Variants in KIAA1549L observed in about 807,000 individuals in gnomAD.
KIAA1549L encodes the protein KIAA1549 like.
In KIAA1549L, 88 loss-of-function variants were observed where a neutral mutation model predicts 160.7. The observed-to-expected ratio is 0.55, with a 90% CI of 0.46 to 0.65. KIAA1549L has a LOEUF of 0.65. Ranked by LOEUF, KIAA1549L falls within the 30% of genes least tolerant of loss-of-function variation. The pLI, the probability that KIAA1549L is intolerant of heterozygous loss-of-function variation, is 0.00. For missense variants in KIAA1549L, 2,258 were observed against 2,437.5 expected (o/e 0.93, Z 1.55); for synonymous variants, 950 against 976.7 (o/e 0.97, Z 0.51).
intron 10 of KIAA1549L, among the ~76,000 whole-genome samples, chr11:33,579,955 T>A (rs1855579465): frequency 6.6e-6 from 1 of 152,172 alleles, no homozygotes; most frequent in Non-Finnish European, 1.5e-5. Flanking sequence ...GGACTTTGAA[T>A]AGAGAGTCAC....
At chr11:33,476,826 C>A (rs1378320448) in intron 1 of KIAA1549L, among the ~76,000 whole-genome samples, 1 of 152,232 alleles carries the variant, frequency 6.6e-6, no homozygotes, top group Non-Finnish European at 1.5e-5. Flanking sequence ...CCTGTCTTAT[C>A]TTTGCTTTTT....
rs779186977 is a variant in KIAA1549L at position 33,543,677 on chromosome 11, G to T, written c.2114G>T (p.Gly705Val). ...VFWSSLSAETGSLSTESIISG... is the reference protein window; with the variant it reads ...VFWSSLSAETVSLSTESIISG... Reference sequence around the variant, plus strand: ...TGGAGTTCTCTTTCAGCAGAAACTGGATCTCTTTCCACAGAATCAATAATA... The same window carrying T: ...TGGAGTTCTCTTTCAGCAGAAACTGTATCTCTTTCCACAGAATCAATAATA... Residue 705 changes from glycine to valine, a missense_variant, in exon 2 of 21, where the codon GGA becomes GTA. Physicochemically the swap from Gly to Val is moderately radical, Grantham distance 109. This residue lies in a region of KIAA1549L where 287 missense variants were observed against 292.3 expected (regional missense o/e 0.98). Transcript: ENST00000658780. 19 of 1,613,860 alleles carry T rather than the reference G, an allele frequency of 1.2e-5. No homozygotes were observed. The highest frequency in any genetic ancestry group is 1.5e-5 in the Non-Finnish European group (18 of 1,179,900).
intron 16 of KIAA1549L, among the ~76,000 whole-genome samples, chr11:33,645,155 C>T (rs1851681674): frequency 6.6e-6 from 1 of 152,230 alleles, no homozygotes. Flanking sequence ...CCCAGAGCTT[C>T]TGATTGCGTA....
chr11:33,646,159 C>G, intron 17 of KIAA1549L, 123 bp downstream of exon 17: 1 of 741,124 alleles, frequency 1.3e-6, no homozygotes, highest in Non-Finnish European at 2.2e-6. Context: ...TGAACTATGC[C>G]AGGCCCTCAT....
rs745559064 is a variant in KIAA1549L at position 33,551,219 on chromosome 11, A to G, written c.3681A>G (p.Pro1227=). The G allele has an allele frequency of 6.8e-6, 11 of 1,613,564 alleles. No homozygotes were observed. Among genetic ancestry groups the G allele is most frequent in the Non-Finnish European group, 1.7e-6 (2 of 1,179,854 alleles). Residue 1227 remains proline, a synonymous_variant, in exon 5 of 21, where the codon CCA becomes CCG. Transcript: ENST00000658780. ...HLQSVAVLAS[P]WNPQPAGYFQ... ...AGTCTGTGGCAGTACTTGCCTCCCC[A>G]TGGAATCCCCAGCCTGCAGGCTACT...
At chr11:33,445,394 C>A (rs1851590243) in intron 1 of KIAA1549L, among the ~76,000 whole-genome samples, 1 of 152,118 alleles carries the variant, frequency 6.6e-6, no homozygotes, top group African/African-American at 2.4e-5. Context: ...TGACTTGAAT[C>A]CAGAAGAAAC....
chr11:33,435,840 A>G (rs996292772), intron 1 of KIAA1549L, among the ~76,000 whole-genome samples: 15 of 64,160 alleles, frequency 2.3e-4, no homozygotes, highest in African/African-American at 6.3e-4. Context: ...ATGTATATGT[A>G]TATGTGTGTG....
chr11:33,452,205 G>C (rs907051940), intron 1 of KIAA1549L, among the ~76,000 whole-genome samples: 1 of 152,200 alleles, frequency 6.6e-6, no homozygotes, highest in Non-Finnish European at 1.5e-5. Flanking sequence ...ATATGCAGGA[G>C]GTAGGTGAAA....
chr11:33,645,814 G>T lies in KIAA1549L; in HGVS notation c.5538G>T (p.Glu1846Asp), dbSNP rs1412843388. 1 of 1,613,980 alleles carries T rather than the reference G, an allele frequency of 6.2e-7. No homozygotes were observed. Among genetic ancestry groups the T allele is most frequent in the African/African-American group, 1.3e-5 (1 of 75,056 alleles). The part of the protein sequence containing the change: ...STLSSQPSID[E>D]VRQQMHMLLE... ...TGAGCTCCCAGCCATCCATCGACGA[G>T]GTCAGGCAGCAGATGCACATGCTGC... Residue 1846 changes from glutamate (E) to aspartate (D), a missense_variant, in exon 17 of 21, where the codon GAG (glutamate) becomes GAT (aspartate). This residue lies in a region of KIAA1549L where 1,359 missense variants were observed against 1,546.6 expected (regional missense o/e 0.88). Coordinates refer to ENST00000658780, the MANE Select transcript of KIAA1549L (RefSeq NM_012194.3).
At chr11:33,427,798 C>A (rs1270705638) in intron 1 of KIAA1549L, among the ~76,000 whole-genome samples, 1 of 152,218 alleles carries the variant, frequency 6.6e-6, no homozygotes, top group African/African-American at 2.4e-5. Context: ...CTCTCCCCTG[C>A]AGTGTTTGGC....
intron 1 of KIAA1549L, among the ~76,000 whole-genome samples, chr11:33,509,080 C>T (rs781096546): frequency 2.0e-5 from 3 of 152,138 alleles, no homozygotes; most frequent in African/African-American, 4.8e-5. Flanking sequence ...TAAAGATTTT[C>T]ACTGGCTTGG....
intron 10 of KIAA1549L, among the ~76,000 whole-genome samples, chr11:33,577,997 T>C (rs148434937): frequency 2.5e-4 from 38 of 152,278 alleles, no homozygotes; most frequent in Middle Eastern, 3.4e-3. Context: ...AGTCTTATTC[T>C]CAAAATGACA....
At chr11:33,583,785 G>A (rs1392345664) in intron 11 of KIAA1549L, among the ~76,000 whole-genome samples, 1 of 152,110 alleles carries the variant, frequency 6.6e-6, no homozygotes, top group African/African-American at 2.4e-5. Flanking sequence ...AGGAAACCGA[G>A]GCATAGAAAA....
rs755065918 is a variant in KIAA1549L at position 33,598,819 on chromosome 11, G to C, written c.4752-1G>C. 3 of 1,613,860 alleles carry C rather than the reference G, an allele frequency of 1.9e-6. No homozygotes were observed. Among genetic ancestry groups the C allele is most frequent in the Non-Finnish European group, 2.5e-6 (3 of 1,179,808 alleles). ...TCCCCTGTTGCTATGGTTACCTCCA[G>C]CAGGTCGCCCAGTGAGAATGGCTCT... On this transcript the variant is annotated splice_acceptor_variant, in intron 12 of 20. Coordinates refer to ENST00000658780, the MANE Select transcript of KIAA1549L (RefSeq NM_012194.3). LOFTEE classifies it high-confidence loss of function.
At chr11:33,493,464 A>G (rs1203706836) in intron 1 of KIAA1549L, among the ~76,000 whole-genome samples, 1 of 152,134 alleles carries the variant, frequency 6.6e-6, no homozygotes, top group Non-Finnish European at 1.5e-5. Flanking sequence ...GATGAGCTTG[A>G]CTGCACATTT....
At chr11:33,493,772 C>T (rs1288098198) in intron 1 of KIAA1549L, among the ~76,000 whole-genome samples, 2 of 152,218 alleles carry the variant, frequency 1.3e-5, no homozygotes, top group Non-Finnish European at 2.9e-5. Flanking sequence ...TAACCAAGTG[C>T]CCTGTCCTTC....
intron 1 of KIAA1549L, among the ~76,000 whole-genome samples, chr11:33,385,068 A>G (rs553356489): frequency 6.6e-6 from 1 of 152,150 alleles, no homozygotes; most frequent in East Asian, 1.9e-4. Context: ...GGTCACAAAT[A>G]TCTATGATTT....
intron 1 of KIAA1549L, among the ~76,000 whole-genome samples, chr11:33,534,048 A>G (rs1051344498): frequency 2.0e-5 from 3 of 152,130 alleles, no homozygotes; most frequent in African/African-American, 4.8e-5. Flanking sequence ...GCAGCAAACC[A>G]TTACTGTCTG....
chr11:33,561,802 G>T, intron 8 of KIAA1549L, 67 bp downstream of exon 8: 1 of 1,154,868 alleles, frequency 8.7e-7, no homozygotes, highest in Non-Finnish European at 1.3e-6. Flanking sequence ...TTAAACTGTA[G>T]GCCATTCATT....
Sources: gnomAD v4.1 joint callset for allele counts (sites outside exome capture counted in the v4.1 genomes callset) on GRCh38, gnomAD v4.1.1 for gene constraint, gnomAD v4.1.1 regional missense constraint, MANE v1.5 for transcripts, NCBI Gene and HGNC (gene_info 2026-07-23, HGNC 2026-07-21) for gene names.